The following TWSG1 variants were observed in gnomAD, a reference collection of about 807,000 sequenced individuals.
TWSG1 encodes the protein twisted gastrulation protein homolog 1.
In TWSG1, 15 loss-of-function variants were observed where a neutral mutation model predicts 23.0. That is an observed-to-expected ratio of 0.65 (90% CI 0.44 to 1.00). The LOEUF (loss-of-function observed/expected upper bound fraction) is 1.00. Ranked by LOEUF, TWSG1 falls within the 50% of genes least tolerant of loss-of-function variation. The pLI is 0.00. For missense variants in TWSG1, 242 were observed against 278.7 expected, an observed-to-expected ratio of 0.87 and a Z score of 0.94; for synonymous variants, 86 against 92.8, an observed-to-expected ratio of 0.93 and a Z score of 0.42.
intron 3 of TWSG1, among the ~76,000 whole-genome samples, chr18:9,369,136 TAAATAAAATA>T (rs143374240): frequency 6.8e-4 from 94 of 137,378 alleles, no homozygotes; most frequent in African/African-American, 2.2e-3. Flanking sequence ...AACAAATAAA[TAAATAAAATA>T]AAATAAAATA....
At chr18:9,337,160 G>A (rs899150866) in intron 1 of TWSG1, 33 bp from the exon 2 acceptor site, 60 of 1,569,754 alleles carry the variant, frequency 3.8e-5, no homozygotes, top group Non-Finnish European at 5.1e-5. Flanking sequence ...CCTAGCACTT[G>A]CCTTTGAATT....
chr18:9,364,161 G>C (rs934379150), intron 3 of TWSG1, among the ~76,000 whole-genome samples: 1 of 152,138 alleles, frequency 6.6e-6, no homozygotes, highest in Non-Finnish European at 1.5e-5. Flanking sequence ...AGTCAGTCAT[G>C]ATTGGTTTCT....
chr18:9,355,164 G>C (rs984253495), intron 2 of TWSG1, among the ~76,000 whole-genome samples: 2 of 152,128 alleles, frequency 1.3e-5, no homozygotes, highest in Non-Finnish European at 2.9e-5. Flanking sequence ...CACCATGTTA[G>C]CCGGGATGGT....
intron 2 of TWSG1, among the ~76,000 whole-genome samples, chr18:9,344,076 A>T (rs1257780147): frequency 6.6e-6 from 1 of 152,118 alleles, no homozygotes; most frequent in East Asian, 1.9e-4. Flanking sequence ...AATTAAAAAA[A>T]TTTTTTGTGT....
In TWSG1 at chr18:9,356,856, T is replaced by C. The variant is rs114294826; in HGVS notation, c.124-3116T>C. On this transcript the variant is annotated intron_variant, in intron 2 of 4. Coordinates refer to ENST00000262120, the MANE Select transcript of TWSG1 (RefSeq NM_020648.6). ...GGTACCCAGCATTTCAGATAAGGAATACTCAACCTGTATAAGCAACTAAGA... is the reference window on the plus strand; with the variant it reads ...GGTACCCAGCATTTCAGATAAGGAACACTCAACCTGTATAAGCAACTAAGA... Among the ~76,000 whole-genome samples the C allele has an allele frequency of 5.4e-3, 819 of 151,558 alleles. 9 individuals are homozygous for C. The highest frequency in any genetic ancestry group is 0.019 in the African/African-American group (768 of 41,344).
rs959697828 is a variant in TWSG1, at chr18:9,372,193, C to G, written c.223+12122C>G. On this transcript the variant is annotated intron_variant, in intron 3 of 4. Transcript: ENST00000262120. ...TGTATATACAGTAGTTCCCCCTTAT[C>G]GGTGGGAGATACATTCCAGGGCCCA... Among the ~76,000 whole-genome samples, 3 of 151,466 alleles carry G rather than the reference C, an allele frequency of 2.0e-5. No individual in the cohort carries two copies. In the East Asian group the frequency reaches 5.8e-4, roughly 29 times the overall value.
intron 2 of TWSG1, among the ~76,000 whole-genome samples, chr18:9,348,491 G>A (rs781775517): frequency 6.6e-6 from 1 of 152,180 alleles, no homozygotes; most frequent in African/African-American, 2.4e-5. Flanking sequence ...AGTTTTCTGG[G>A]GAAAAGGTCC....
intron 4 of TWSG1, among the ~76,000 whole-genome samples, chr18:9,397,796 G>A (rs868382874): frequency 5.9e-5 from 9 of 152,046 alleles, no homozygotes; most frequent in East Asian, 5.8e-4. Context: ...ACCTGAGGTC[G>A]GGAGTTTGAG....
intron 3 of TWSG1, among the ~76,000 whole-genome samples, chr18:9,393,297 A>C (rs2040720786): frequency 6.6e-6 from 1 of 152,282 alleles, no homozygotes; most frequent in African/African-American, 2.4e-5. Flanking sequence ...TATTGCTACT[A>C]AACAAGCTAC....
intron 2 of TWSG1, among the ~76,000 whole-genome samples, chr18:9,351,605 C>G (rs1167526189): frequency 1.3e-5 from 2 of 149,154 alleles, no homozygotes; most frequent in Non-Finnish European, 3.0e-5. Flanking sequence ...TGAAGAAACC[C>G]CAGTGTACCA....
intron 3 of TWSG1, among the ~76,000 whole-genome samples, chr18:9,377,795 C>T (rs2040637907): frequency 6.6e-6 from 1 of 152,156 alleles, no homozygotes; most frequent in East Asian, 1.9e-4. Flanking sequence ...TGTCAGCTCA[C>T]TGTAGCCTTG....
intron 4 of TWSG1, among the ~76,000 whole-genome samples, 156 bp from the exon 5 acceptor site, chr18:9,399,190 G>A (rs913953904): frequency 6.6e-6 from 1 of 152,184 alleles, no homozygotes; most frequent in Admixed American, 6.5e-5. Flanking sequence ...ATTAATAAAT[G>A]AAGATCTTTT....
At chr18:9,357,225 T>C (rs1300844666) in intron 2 of TWSG1, among the ~76,000 whole-genome samples, 1 of 152,212 alleles carries the variant, frequency 6.6e-6, no homozygotes, top group African/African-American at 2.4e-5. Context: ...AGTTACCTAA[T>C]GTCTATGTCA....
At chr18:9,335,992 G>GT (rs1392470010) in intron 1 of TWSG1, among the ~76,000 whole-genome samples, 3 of 152,050 alleles carry the variant, frequency 2.0e-5, no homozygotes, top group African/African-American at 7.3e-5. Flanking sequence ...ACTGTATACT[G>GT]TTTGGCCCCT....
intron 3 of TWSG1, among the ~76,000 whole-genome samples, chr18:9,373,207 A>G (rs914481339): frequency 6.6e-6 from 1 of 152,226 alleles, no homozygotes; most frequent in Non-Finnish European, 1.5e-5. Flanking sequence ...AAAAGAAATA[A>G]CAATCTTTAA....
At chr18:9,399,251 A>G in intron 4 of TWSG1, 95 bp from the exon 5 acceptor site, 1 of 785,610 alleles carries the variant, frequency 1.3e-6, no homozygotes. Context: ...GAGAACCAAG[A>G]TAAATAACTG....
chr18:9,358,107 A>C (rs1434467041), intron 2 of TWSG1, among the ~76,000 whole-genome samples: 1 of 152,196 alleles, frequency 6.6e-6, no homozygotes, highest in Non-Finnish European at 1.5e-5. Flanking sequence ...CTCTAAGAAC[A>C]GGAAGTGCAG....
intron 2 of TWSG1, among the ~76,000 whole-genome samples, chr18:9,346,538 A>G (rs1280137896): frequency 1.3e-5 from 2 of 152,044 alleles, no homozygotes; most frequent in African/African-American, 4.8e-5. Flanking sequence ...GTGCTTTAGG[A>G]GGCCATGGCA....
At chr18:9,350,995 A>T (rs1442927039) in intron 2 of TWSG1, among the ~76,000 whole-genome samples, 1 of 152,138 alleles carries the variant, frequency 6.6e-6, no homozygotes, top group Admixed American at 6.5e-5. Context: ...CATAGGTATA[A>T]TATAATGCTT....
Sources: gnomAD v4.1 joint callset for allele counts (sites outside exome capture counted in the v4.1 genomes callset) on GRCh38, gnomAD v4.1.1 for gene constraint, MANE v1.5 for transcripts, NCBI Gene and HGNC (gene_info 2026-07-23, HGNC 2026-07-21) for gene names.